The following BCL2L15 variants were observed in gnomAD, a reference collection of about 807,000 sequenced individuals.
The protein encoded by BCL2L15 is BCL2 like 15, also known as bcl-2-like protein 15.
BCL2L15 carries 15 observed loss-of-function variants against 18.3 expected under a neutral mutation model. The ratio of observed to expected loss-of-function variants is 0.82; its 90% CI spans 0.55 to 1.26. BCL2L15 has a LOEUF of 1.26. Ranked by LOEUF, BCL2L15 falls within the 50% of genes most tolerant of loss-of-function variation. The probability of loss-of-function intolerance (pLI) is 0.00; values close to 1 mark genes in which losing one functional copy is unlikely to be tolerated. For missense variants in BCL2L15, 180 were observed against 201.7 expected, an observed-to-expected ratio of 0.89 and a Z score of 0.65; for synonymous variants, 58 against 68.5, an observed-to-expected ratio of 0.85 and a Z score of 0.76.
At position 113,882,005 on chromosome 1, in the gene BCL2L15, A is replaced by G. The variant is rs372905255; in HGVS notation, c.250-8T>C. On this transcript the variant is annotated splice_polypyrimidine_tract_variant and splice_region_variant and intron_variant, in intron 2 of 3. Transcript: ENST00000393316. Reference sequence around the variant, plus strand: ...CTGGAGTATAGCTCCTGTCTGAGGAAAGACAAAGGAAACATCAACAGAGTA... The same window carrying G: ...CTGGAGTATAGCTCCTGTCTGAGGAGAGACAAAGGAAACATCAACAGAGTA... The G allele has an allele frequency of 3.2e-5, 51 of 1,608,350 alleles. No homozygotes were observed. In the African/African-American group the frequency reaches 6.5e-4, roughly 21 times the overall value.
At position 113,877,714 on chromosome 1, in the gene BCL2L15, G is replaced by A. The variant is rs186452036; in HGVS notation, c.*3409C>T. Among the ~76,000 whole-genome samples the A allele has an allele frequency of 1.3e-5, 2 of 152,304 alleles. No homozygotes were observed. Among genetic ancestry groups the A allele is most frequent in the Non-Finnish European group, 2.9e-5 (2 of 68,028 alleles). ...GCAGTATATAGGACAGACTGGAATGGAGCAGGAACAGAACAATCTATTGAA... is the reference window on the plus strand; with the variant it reads ...GCAGTATATAGGACAGACTGGAATGAAGCAGGAACAGAACAATCTATTGAA... On this transcript the variant is annotated 3_prime_UTR_variant, in exon 4 of 4. Coordinates refer to ENST00000393316, the MANE Select transcript of BCL2L15 (RefSeq NM_001010922.3).
Position 113,879,578 on chromosome 1 carries a change from A to T in BCL2L15, c.*1545T>A, listed in dbSNP as rs535332282. The T allele has an allele frequency of 4.6e-5, 7 of 152,464 alleles. No individual in the cohort carries two copies. The highest frequency in any genetic ancestry group is 6.5e-5 in the Admixed American group (1 of 15,308). The allele number at this position is 152,464 out of a possible 1,614,324, so 9.4% of individuals were successfully genotyped here. On this transcript the variant is annotated 3_prime_UTR_variant, in exon 4 of 4. Transcript: ENST00000393316. ...ACATATGGAGACTAAGTTCCCAAAG[A>T]AGAGTTAAATATCTTTGAGTTTAAA...
At chr1:113,884,281 T>A (rs766707546) in intron 2 of BCL2L15, among the ~76,000 whole-genome samples, 14 of 152,202 alleles carry the variant, frequency 9.2e-5, no homozygotes, top group Non-Finnish European at 2.1e-4. Flanking sequence ...GCCAAAGGTA[T>A]ATATCCTTAA....
In BCL2L15 at chr1:113,880,003, A is replaced by G. The variant is rs1666822893; in HGVS notation, c.*1120T>C. The G allele has an allele frequency of 6.6e-6, 1 of 152,204 alleles. No individual in the cohort carries two copies. The highest frequency in any genetic ancestry group is 2.4e-5 in the African/African-American group (1 of 41,448). The allele number at this position is 152,204 out of a possible 1,614,324, so 9.4% of individuals were successfully genotyped here. On this transcript the variant is annotated 3_prime_UTR_variant, in exon 4 of 4. Coordinates refer to ENST00000393316, the MANE Select transcript of BCL2L15 (RefSeq NM_001010922.3). ...CCTAGGCTCCAGCCTACCCCTACAGAATCAGAATCTCTAGGAATGCGAATC... is the reference window on the plus strand; with the variant it reads ...CCTAGGCTCCAGCCTACCCCTACAGGATCAGAATCTCTAGGAATGCGAATC...
At position 113,887,426 on chromosome 1, in the gene BCL2L15, A is replaced by G; in HGVS notation, c.-51T>C. On this transcript the variant is annotated 5_prime_UTR_variant, in exon 1 of 4. Coordinates refer to ENST00000393316, the MANE Select transcript of BCL2L15 (RefSeq NM_001010922.3). Reference sequence around the variant, plus strand: ...CTTTTCCACGAAACAAGCAGTTTTCAGCCCAGCAGGAAGTTAAAAACACTG... The same window carrying G: ...CTTTTCCACGAAACAAGCAGTTTTCGGCCCAGCAGGAAGTTAAAAACACTG... The G allele has an allele frequency of 6.2e-7, 1 of 1,611,726 alleles. No homozygotes were observed. Among genetic ancestry groups the G allele is most frequent in the Non-Finnish European group, 8.5e-7 (1 of 1,178,460 alleles).
At chr1:113,887,182 G>A in intron 1 of BCL2L15, 67 bp downstream of exon 1, 3 of 1,482,512 alleles carry the variant, frequency 2.0e-6, no homozygotes, top group Non-Finnish European at 2.8e-6. Context: ...ACGGGAATCA[G>A]TCACTGCGCC....
rs944696917 is a variant in BCL2L15 at position 113,881,013 on chromosome 1, G to A, written c.*110C>T. ...AACTTATTCAGCTAAGTTCAGTTCT[G>A]ATAAAATGAAAAAAGTGCTTTTTTA... On this transcript the variant is annotated 3_prime_UTR_variant, in exon 4 of 4. Coordinates refer to ENST00000393316, the MANE Select transcript of BCL2L15 (RefSeq NM_001010922.3). 5.7e-5 allele frequency: 85 copies of A among 1,499,452 alleles called. No individual in the cohort carries two copies. The highest frequency in any genetic ancestry group is 8.6e-5 in the Admixed American group (5 of 58,396). The allele number at this position is 1,499,452 out of a possible 1,614,324, so 92.9% of individuals were successfully genotyped here. A position where few individuals can be genotyped will look rare whatever the true frequency, so the allele number is the denominator to read the frequency against.
At chr1:113,884,713 G>T (rs1666976339) in intron 2 of BCL2L15, among the ~76,000 whole-genome samples, 1 of 121,800 alleles carries the variant, frequency 8.2e-6, no homozygotes, top group Admixed American at 8.6e-5. Context: ...CTGAGTTTAG[G>T]GCTGTTTCAA....
intron 2 of BCL2L15, among the ~76,000 whole-genome samples, chr1:113,884,908 G>T (rs1483040983): frequency 6.6e-6 from 1 of 151,840 alleles, no homozygotes; most frequent in East Asian, 1.9e-4. Context: ...AGGTAGCTAG[G>T]ATTACAGTTG....
At position 113,876,907 on chromosome 1, in the gene BCL2L15, CAACA is replaced by C. The variant is rs1179097593; in HGVS notation, c.*4212_*4215del. Among the ~76,000 whole-genome samples, 1 of 152,064 alleles carries C rather than the reference CAACA, an allele frequency of 6.6e-6. No homozygotes were observed. Among genetic ancestry groups the C allele is most frequent in the Non-Finnish European group, 1.5e-5 (1 of 67,998 alleles). The stretch of plus-strand genomic sequence containing the variant: ...AGAGGAGGGGTGTTACAGAAGTATA[CAACA>C]AATTGTATCATTCAGCAATCCTTTA... On this transcript the variant is annotated 3_prime_UTR_variant, in exon 4 of 4. Transcript: ENST00000393316.
At chr1:113,881,512 T>A (rs1387030583) in intron 3 of BCL2L15, 1 of 1,364,472 alleles carries the variant, frequency 7.3e-7, no homozygotes, top group Non-Finnish European at 9.4e-7. Flanking sequence ...TAGATGATTA[T>A]GTGTAGGAAA....
intron 1 of BCL2L15, 36 bp downstream of exon 1, chr1:113,887,213 T>C: frequency 1.3e-6 from 2 of 1,597,654 alleles, no homozygotes; most frequent in Non-Finnish European, 1.7e-6. Flanking sequence ...CATACTCTTA[T>C]TGACCTGCAA....
chr1:113,882,704 G>A (rs546782274), intron 2 of BCL2L15, among the ~76,000 whole-genome samples: 1 of 151,774 alleles, frequency 6.6e-6, no homozygotes, highest in East Asian at 1.9e-4. Flanking sequence ...TTTGGGAGGC[G>A]AAAGTGGGAG....
chr1:113,886,675 A>G lies in BCL2L15; in HGVS notation c.128-17T>C. 6.3e-7 allele frequency: 1 copy of G among 1,581,102 alleles called. No individual in the cohort carries two copies. The highest frequency in any genetic ancestry group is 1.2e-5 in the South Asian group (1 of 85,626). On this transcript the variant is annotated splice_polypyrimidine_tract_variant and intron_variant, in intron 1 of 3. Transcript: ENST00000393316. ...AAGGCTCTCCTATGACAGAGGGAAC[A>G]CATTTGTTACAATGCTTGAAGCAAT...
At chr1:113,882,078 A>T (rs2102247376) in intron 2 of BCL2L15, 81 bp from the exon 3 acceptor site, 1 of 1,151,670 alleles carries the variant, frequency 8.7e-7, no homozygotes, top group South Asian at 1.5e-5. Flanking sequence ...CCAGTAAAGC[A>T]ATTGTTTCTT....
At chr1:113,886,246 T>C (rs1319289821) in intron 2 of BCL2L15, among the ~76,000 whole-genome samples, 1 of 151,360 alleles carries the variant, frequency 6.6e-6, no homozygotes, top group African/African-American at 2.4e-5. Flanking sequence ...GATACTATAC[T>C]TTGCCAAGAA....
In BCL2L15 at chr1:113,881,643, T is replaced by C. The variant is rs1348088477; in HGVS notation, c.474+130A>G. 5 of 1,440,500 alleles carry C rather than the reference T, an allele frequency of 3.5e-6. No individual in the cohort carries two copies. In the East Asian group the frequency reaches 1.0e-4, roughly 29 times the overall value. 89.2% of individuals were successfully genotyped at this position (1,440,500 alleles called of 1,614,324 possible). A position where few individuals can be genotyped will look rare whatever the true frequency, so the allele number is the denominator to read the frequency against. On this transcript the variant is annotated intron_variant, in intron 3 of 3. Coordinates refer to ENST00000393316, the MANE Select transcript of BCL2L15 (RefSeq NM_001010922.3). ...CCATGGCAAGAAAATCTAGGCATTTTCAGCAAAATAGGGAAGCCTGTTTTC... is the reference window on the plus strand; with the variant it reads ...CCATGGCAAGAAAATCTAGGCATTTCCAGCAAAATAGGGAAGCCTGTTTTC...
Position 113,887,520 on chromosome 1 carries a change from T to G in BCL2L15, c.-145A>C. 1 of 1,121,234 alleles carries G rather than the reference T, an allele frequency of 8.9e-7. No individual in the cohort carries two copies. The highest frequency in any genetic ancestry group is 1.3e-6 in the Non-Finnish European group (1 of 781,128). The allele number at this position is 1,121,234 out of a possible 1,614,324, so 69.5% of individuals were successfully genotyped here. ...TAATCCTGGAACTTTTCCCACTAGC[T>G]TTCTTCAAACACAGCTGCTCAGAAA... On this transcript the variant is annotated 5_prime_UTR_variant, in exon 1 of 4. Coordinates refer to ENST00000393316, the MANE Select transcript of BCL2L15 (RefSeq NM_001010922.3).
intron 2 of BCL2L15, 92 bp downstream of exon 2, chr1:113,886,444 CA>C: frequency 3.1e-6 from 4 of 1,275,484 alleles, no homozygotes; most frequent in Non-Finnish European, 4.3e-6. Flanking sequence ...TTTCATAGAA[CA>C]TTCCTAGTCA....
Sources: allele counts gnomAD v4.1 joint callset (sites outside exome capture counted in the v4.1 genomes callset), GRCh38; gene constraint gnomAD v4.1.1; transcripts MANE v1.5; gene names NCBI Gene and HGNC (gene_info 2026-07-23, HGNC 2026-07-21).